SOCS6: variants seen among roughly 807,000 people sequenced by gnomAD.
The protein encoded by SOCS6 is suppressor of cytokine signaling 6.
Under a neutral mutation model 27.7 loss-of-function variants are expected in SOCS6, and 5 were observed. The observed-to-expected ratio is 0.18, with a 90% confidence interval of 0.09 to 0.38. SOCS6 has a LOEUF of 0.38. Among genes scored for constraint, SOCS6 ranks in the 10% least tolerant of loss-of-function variants. The pLI is 1.00. For synonymous variants in SOCS6, 271 were observed against 260.0 expected (o/e 1.04, Z -0.41); for missense variants, 595 against 688.1 (o/e 0.86, Z 1.51).
intron 1 of SOCS6, among the ~76,000 whole-genome samples, chr18:70,290,647 C>T (rs2062294758): frequency 6.6e-6 from 1 of 152,142 alleles, no homozygotes; most frequent in Non-Finnish European, 1.5e-5. Context: ...GAACCTGGTT[C>T]GTGGACAGTG....
intron 1 of SOCS6, among the ~76,000 whole-genome samples, chr18:70,302,059 G>C (rs568376625): frequency 6.6e-6 from 1 of 152,334 alleles, no homozygotes; most frequent in Admixed American, 6.5e-5. Context: ...GCTGCAGCTG[G>C]TGAGGAAGGT....
rs1460700535 is a variant in SOCS6 at position 70,289,313 on chromosome 18, G to GCCGGGGAACGGGGGCCGGGGCCAGTC, written c.-127+229_-127+254dup. Among the ~76,000 whole-genome samples, 43 of 149,158 alleles carry GCCGGGGAACGGGGGCCGGGGCCAGTC rather than the reference G, an allele frequency of 2.9e-4. 1 individual carries two copies. Among genetic ancestry groups the GCCGGGGAACGGGGGCCGGGGCCAGTC allele is most frequent in the Non-Finnish European group, 9.0e-5 (6 of 66,790 alleles). ...GGCGGGTGCGCGGGCGGGGGCCAGG[G>GCCGGGGAACGGGGGCCGGGGCCAGTC]CCGGGGAACGGGGGCCGGGGCCAGT... On this transcript the variant is annotated intron_variant, in intron 1 of 1. Transcript: ENST00000397942.
chr18:70,303,146 ATTCT>A (rs1238785610), intron 1 of SOCS6, among the ~76,000 whole-genome samples: 2 of 152,144 alleles, frequency 1.3e-5, no homozygotes, highest in African/African-American at 4.8e-5. Flanking sequence ...TTTCCTCCCT[ATTCT>A]TTCTATGTAA....
chr18:70,291,173 C>T (rs1453374671), intron 1 of SOCS6, among the ~76,000 whole-genome samples: 2 of 152,174 alleles, frequency 1.3e-5, no homozygotes, highest in African/African-American at 4.8e-5. Flanking sequence ...GTGGTGCAAT[C>T]ATGGCTCACT....
Position 70,326,267 on chromosome 18 carries a change from G to C in SOCS6, c.1599G>C (p.Lys533Asn), listed in dbSNP as rs770696545. ...AAATGAAGGATTATTTACAGGAGAA[G>C]CACTACTGAAAGATTGAGAACCCTG... The part of the protein sequence containing the change: ...PNKMKDYLQE[K>N]HY The change falls in exon 2 of 2, where the codon AAG (lysine) becomes AAC (asparagine). Residue 533 changes from lysine (K) to asparagine (N), a missense_variant. Physicochemically the swap from Lys to Asn is moderately conservative, Grantham distance 94. Transcript: ENST00000397942. 6.2e-7 allele frequency: 1 copy of C among 1,611,296 alleles called. No individual in the cohort carries two copies. The highest frequency in any genetic ancestry group is 2.2e-5 in the East Asian group (1 of 44,870).
chr18:70,300,818 T>C (rs41333452), intron 1 of SOCS6, among the ~76,000 whole-genome samples: 4,269 of 151,830 alleles, frequency 0.028, 224 homozygotes, highest in African/African-American at 0.096. Context: ...TTATTCTTAA[T>C]TTAAGTTAAA....
chr18:70,309,843 G>A (rs1008609479), intron 1 of SOCS6, among the ~76,000 whole-genome samples: 10 of 152,006 alleles, frequency 6.6e-5, no homozygotes, highest in Non-Finnish European at 1.2e-4. Context: ...GCCACCTCAC[G>A]CAGCTAATTG....
At chr18:70,317,171 T>C (rs2062414750) in intron 1 of SOCS6, among the ~76,000 whole-genome samples, 1 of 152,242 alleles carries the variant, frequency 6.6e-6, no homozygotes, top group Non-Finnish European at 1.5e-5. Context: ...GTGTACATTG[T>C]ACCGAGTGTG....
At chr18:70,290,717 G>A (rs1009202584) in intron 1 of SOCS6, among the ~76,000 whole-genome samples, 1 of 152,234 alleles carries the variant, frequency 6.6e-6, no homozygotes, top group African/African-American at 2.4e-5. Flanking sequence ...CTTTCCGCTT[G>A]TGCCTGGGTA....
chr18:70,299,062 C>T (rs1343427061), intron 1 of SOCS6, among the ~76,000 whole-genome samples: 2 of 152,148 alleles, frequency 1.3e-5, no homozygotes, highest in Non-Finnish European at 2.9e-5. Flanking sequence ...GTGGAGCTTA[C>T]AGCGAGCCAA....
At position 70,325,603 on chromosome 18, in the gene SOCS6, C is replaced by T. The variant is rs1192429208; in HGVS notation, c.935C>T (p.Pro312Leu). 6.2e-7 allele frequency: 1 copy of T among 1,614,202 alleles called. No individual in the cohort carries two copies. Among genetic ancestry groups the T allele is most frequent in the Non-Finnish European group, 8.5e-7 (1 of 1,180,016 alleles). Reference protein sequence around the residue: ...AGHDDVPPLSPLLPPMQNNQI... With the variant: ...AGHDDVPPLSLLLPPMQNNQI... ...CACGATGATGTCCCTCCACTCTCAC[C>T]ATTGCTACCTCCAATGCAGAATAAT... Residue 312 changes from proline to leucine, a missense_variant, in exon 2 of 2, where the codon CCA becomes CTA. By Grantham distance (98) the Pro-to-Leu change is moderately conservative. Coordinates refer to ENST00000397942, the MANE Select transcript of SOCS6 (RefSeq NM_004232.4). The surrounding 1 kb of genome is among the most constrained non-coding windows in gnomAD (Gnocchi z 6.3).
In SOCS6 at chr18:70,328,767, G is replaced by A. The variant is rs1911305503; in HGVS notation, c.*2491G>A. 6.0e-6 allele frequency: 1 copy of A among 166,890 alleles called. No individual in the cohort carries two copies. The highest frequency in any genetic ancestry group is 6.6e-5 in the Admixed American group (1 of 15,250). 10.3% of individuals were successfully genotyped at this position (166,890 alleles called of 1,614,324 possible). A position where few individuals can be genotyped will look rare whatever the true frequency, so the allele number is the denominator to read the frequency against. On this transcript the variant is annotated 3_prime_UTR_variant, in exon 2 of 2. Coordinates refer to ENST00000397942, the MANE Select transcript of SOCS6 (RefSeq NM_004232.4). ...GTAGAAAGATAACCATTTGGGGTAG[G>A]CAGCACAACAGAATGTGAAAGATTG...
chr18:70,326,563 C>A lies in SOCS6; in HGVS notation c.*287C>A. The A allele has an allele frequency of 5.6e-6, 2 of 357,998 alleles. No homozygotes were observed. The highest frequency in any genetic ancestry group is 1.1e-5 in the Non-Finnish European group (2 of 188,938). 22.2% of individuals were successfully genotyped at this position (357,998 alleles called of 1,614,324 possible). A position where few individuals can be genotyped will look rare whatever the true frequency, so the allele number is the denominator to read the frequency against. ...ATTATCAAATTCTCCTCAATGCCCCCCCCGCCCAGTCCTTTGCTGCTATCC... is the reference window on the plus strand; with the variant it reads ...ATTATCAAATTCTCCTCAATGCCCCACCCGCCCAGTCCTTTGCTGCTATCC... On this transcript the variant is annotated 3_prime_UTR_variant, in exon 2 of 2. Coordinates refer to ENST00000397942, the MANE Select transcript of SOCS6 (RefSeq NM_004232.4).
intron 1 of SOCS6, among the ~76,000 whole-genome samples, chr18:70,297,001 G>A (rs569955800): frequency 3.0e-4 from 34 of 112,474 alleles, no homozygotes; most frequent in Non-Finnish European, 5.6e-4. Flanking sequence ...CATTTTTCTT[G>A]TCTGTTGTTG....
At chr18:70,320,146 G>A (rs973425630) in intron 1 of SOCS6, among the ~76,000 whole-genome samples, 7 of 152,032 alleles carry the variant, frequency 4.6e-5, no homozygotes, top group South Asian at 2.1e-4. Context: ...GAGCCATAAT[G>A]CCTGGCTAAT....
At chr18:70,300,777 A>T (rs554474642) in intron 1 of SOCS6, among the ~76,000 whole-genome samples, 3 of 152,324 alleles carry the variant, frequency 2.0e-5, no homozygotes, top group Non-Finnish European at 4.4e-5. Context: ...TCACTTGAAA[A>T]TTTATTAGAA....
rs2062350066 is a variant in SOCS6 at position 70,301,960 on chromosome 18, G to A, written c.-127+12870G>A. On this transcript the variant is annotated intron_variant, in intron 1 of 1. Coordinates refer to ENST00000397942, the MANE Select transcript of SOCS6 (RefSeq NM_004232.4). ...ATTGGTAGAGAAGGCTTTGGTGTGG[G>A]TGTCAGAGAAGATTGGAGAGGAATC... 1.3e-5 allele frequency among the ~76,000 whole-genome samples: 2 copies of A among 152,322 alleles called. 1 individual carries two copies. The highest frequency in any genetic ancestry group is 4.1e-4 in the South Asian group (2 of 4,826).
At chr18:70,320,023 T>TG (rs1053027717) in intron 1 of SOCS6, among the ~76,000 whole-genome samples, 28 of 152,122 alleles carry the variant, frequency 1.8e-4, no homozygotes, top group Non-Finnish European at 1.5e-5. Context: ...GATGGAGTCT[T>TG]GCTTGTTGCC....
intron 1 of SOCS6, among the ~76,000 whole-genome samples, chr18:70,316,318 A>G (rs2062411287): frequency 6.6e-6 from 1 of 152,008 alleles, no homozygotes; most frequent in Non-Finnish European, 1.5e-5. Flanking sequence ...TCTGACTTTT[A>G]AAATTTATGA....
Sources: gnomAD v4.1 joint callset for allele counts (sites outside exome capture counted in the v4.1 genomes callset) on GRCh38, gnomAD v4.1.1 for gene constraint, Gnocchi (gnomAD v3.1) non-coding constraint, MANE v1.5 for transcripts, NCBI Gene and HGNC (gene_info 2026-07-23, HGNC 2026-07-21) for gene names.